The following ZFP64 variants were observed in gnomAD, a reference collection of about 807,000 sequenced individuals.
ZFP64 encodes the protein ZFP64 zinc finger protein.
A neutral mutation model predicts 51.6 loss-of-function variants in ZFP64; 14 were observed. That is an observed-to-expected ratio of 0.27 (90% confidence interval 0.18 to 0.42). The LOEUF is 0.42. ZFP64 is among the 10% of genes least tolerant of loss of function. ZFP64 has a pLI of 1.00. For missense variants in ZFP64, 754 were observed against 906.8 expected (o/e 0.83, Z 2.16); for synonymous variants, 375 against 361.4 (o/e 1.04, Z -0.43).
chr20:52,122,168 C>G (rs748556423), intron 5 of ZFP64, among the ~76,000 whole-genome samples: 45 of 152,270 alleles, frequency 3.0e-4, no homozygotes, highest in Non-Finnish European at 2.6e-4. Context: ...CTGACACAAC[C>G]TCCATTCTAC....
chr20:52,104,806 G>T (rs749486291), intron 5 of ZFP64: 9 of 607,280 alleles, frequency 1.5e-5, no homozygotes, highest in Non-Finnish European at 2.9e-5. Flanking sequence ...GGAGGCCGGA[G>T]ACTCGGGTGC....
At chr20:52,129,080 ATT>A (rs529069931) in intron 5 of ZFP64, among the ~76,000 whole-genome samples, 25,261 of 132,586 alleles carry the variant, frequency 0.19, 2,483 homozygotes, top group Admixed American at 0.26. Context: ...CTCCTGGCTA[ATT>A]TTTTTTTTTT....
intron 5 of ZFP64, among the ~76,000 whole-genome samples, chr20:52,134,028 CAAAAAAAAAAAAAA>C (rs59218544): frequency 2.1e-5 from 2 of 97,512 alleles, no homozygotes; most frequent in African/African-American, 9.1e-5. Context: ...GATCCTGTCT[CAAAAAAAAAAAAAA>C]AAAAAAAAAA....
chr20:52,138,653 T>TA (rs10716412), intron 5 of ZFP64, among the ~76,000 whole-genome samples: 30 of 149,444 alleles, frequency 2.0e-4, no homozygotes, highest in South Asian at 4.2e-4. Flanking sequence ...CAAAATATAA[T>TA]AAAAAAAAAA....
intron 3 of ZFP64, 96 bp from the exon 4 acceptor site, chr20:52,164,853 G>A (rs1370068788): frequency 1.0e-6 from 1 of 956,736 alleles, no homozygotes; most frequent in Admixed American, 1.9e-5. Flanking sequence ...AGTGACAAGA[G>A]TTAACACCAC....
At chr20:52,170,366 C>A (rs557252052) in intron 2 of ZFP64, among the ~76,000 whole-genome samples, 2 of 152,088 alleles carry the variant, frequency 1.3e-5, no homozygotes, top group South Asian at 4.2e-4. Context: ...GCAGGAGAAT[C>A]GCTTGGACCC....
At chr20:52,146,445 T>C (rs570774621), downstream of ZFP64, among the ~76,000 whole-genome samples, 11 of 151,604 alleles carry the variant, frequency 7.3e-5, no homozygotes, top group East Asian at 1.9e-3. Flanking sequence ...TGGATGAAAT[T>C]GGAAATCATC....
At position 52,162,135 on chromosome 20, in the gene ZFP64, TA is replaced by T. The variant is rs1475766945; in HGVS notation, c.512-1762del. ...CAACATGGTGAAACCCTGTCTGAAC[TA>T]AAAATACAAAAATTAGCTGGGCATC... On this transcript the variant is annotated intron_variant, in intron 4 of 5. Transcript: ENST00000216923. Among the ~76,000 whole-genome samples, 3 of 150,760 alleles carry T rather than the reference TA, an allele frequency of 2.0e-5. No homozygotes were observed. The East Asian group carries it at 6.0e-4, about 30-fold the overall frequency.
intron 2 of ZFP64, among the ~76,000 whole-genome samples, chr20:52,176,505 C>CTTTTTTT (rs557663780): frequency 5.9e-5 from 8 of 136,724 alleles, no homozygotes; most frequent in African/African-American, 2.2e-4. Context: ...TTCAATCTCT[C>CTTTTTTT]TTTTTTTTTT....
intron 7 of ZFP64, among the ~76,000 whole-genome samples, chr20:52,092,245 CT>C (rs1211898193): frequency 6.6e-6 from 1 of 152,208 alleles, no homozygotes; most frequent in Admixed American, 6.5e-5. Context: ...AAATTCTCTG[CT>C]GTTTGGTGCT....
chr20:52,175,703 A>G (rs1263936288), intron 2 of ZFP64, among the ~76,000 whole-genome samples: 1 of 152,028 alleles, frequency 6.6e-6, no homozygotes, highest in Non-Finnish European at 1.5e-5. Context: ...AATTAGCCGG[A>G]CGTGGTGGTG....
chr20:52,166,153 G>T, intron 2 of ZFP64, 128 bp from the exon 3 acceptor site: 1 of 823,418 alleles, frequency 1.2e-6, no homozygotes, highest in Non-Finnish European at 1.8e-6. Context: ...CGGCTTCACA[G>T]TGATCATGTG....
chr20:52,136,468 G>A (rs1280817061), intron 5 of ZFP64, among the ~76,000 whole-genome samples: 1 of 152,010 alleles, frequency 6.6e-6, no homozygotes, highest in Non-Finnish European at 1.5e-5. Flanking sequence ...TAAAATAATT[G>A]AGAAATATTG....
chr20:52,164,679 A>C lies in ZFP64; in HGVS notation c.511+16T>G. On this transcript the variant is annotated intron_variant, in intron 4 of 5. Coordinates refer to ENST00000216923, the MANE Select transcript of ZFP64 (RefSeq NM_018197.3). The stretch of plus-strand genomic sequence containing the variant: ...GCAGGTGTTGAGGGCATATGCGCTA[A>C]AGAAATGCTACTTACCCGTGTGAAT... The C allele has an allele frequency of 1.9e-6, 3 of 1,612,940 alleles. No homozygotes were observed. Among genetic ancestry groups the C allele is most frequent in the South Asian group, 1.1e-5 (1 of 91,032 alleles).
chr20:52,142,380 A>ACACACACACACACGCGCGCG (rs1177138816), intron 5 of ZFP64, among the ~76,000 whole-genome samples: 23 of 81,482 alleles, frequency 2.8e-4, no homozygotes, highest in African/African-American at 4.4e-4. Flanking sequence ...ACACACAGAC[A>ACACACACACACACGCGCGCG]CACACACACA....
chr20:52,153,354 C>A lies in ZFP64; in HGVS notation c.838G>T (p.Val280Leu). 6.2e-7 allele frequency: 1 copy of A among 1,614,196 alleles called. No homozygotes were observed. Among genetic ancestry groups the A allele is most frequent in the Non-Finnish European group, 8.5e-7 (1 of 1,180,052 alleles). ...ISSDLKRHMRVHSGEKPFKCE... is the reference protein window; with the variant it reads ...ISSDLKRHMRLHSGEKPFKCE... ...TTGAAAGGCTTCTCCCCCGAGTGCA[C>A]CCGCATGTGCCTTTTCAAGTCCGAG... The change falls in exon 6 of 6, where the codon GTG (valine) becomes TTG (leucine). Residue 280 changes from valine (V) to leucine (L), a missense_variant. Transcript: ENST00000216923. The surrounding 1 kb of genome is among the most constrained non-coding windows in gnomAD (Gnocchi z 5.1).
intron 2 of ZFP64, among the ~76,000 whole-genome samples, chr20:52,175,394 A>C (rs904412702): frequency 2.0e-5 from 3 of 152,108 alleles, no homozygotes; most frequent in Non-Finnish European, 2.9e-5. Context: ...AAGTGCTGGG[A>C]GTCCAGGCAA....
At chr20:52,189,721 G>T (rs566933081) in intron 1 of ZFP64, among the ~76,000 whole-genome samples, 1 of 151,994 alleles carries the variant, frequency 6.6e-6, no homozygotes, top group Non-Finnish European at 1.5e-5. Flanking sequence ...TGATCCGCCC[G>T]CCTCAGCCTC....
intron 5 of ZFP64, among the ~76,000 whole-genome samples, chr20:52,107,789 C>T (rs1978344953): frequency 6.6e-6 from 1 of 152,208 alleles, no homozygotes. Flanking sequence ...GGGCCTTTGC[C>T]AGGTCTCTGC....
Sources: allele counts gnomAD v4.1 joint callset (sites outside exome capture counted in the v4.1 genomes callset), GRCh38; gene constraint gnomAD v4.1.1; non-coding constraint Gnocchi (gnomAD v3.1); transcripts MANE v1.5; gene names NCBI Gene and HGNC (gene_info 2026-07-23, HGNC 2026-07-21).